Variants in CAMK1D observed in about 807,000 individuals in gnomAD.
The protein encoded by CAMK1D is calcium/calmodulin dependent protein kinase ID.
A neutral mutation model predicts 47.7 loss-of-function variants in CAMK1D; 9 were observed. The ratio of observed to expected loss-of-function variants is 0.19; its 90% CI spans 0.11 to 0.33. The LOEUF (loss-of-function observed/expected upper bound fraction) is 0.33, where lower values mean the gene tolerates loss of function less well. Among genes scored for constraint, CAMK1D ranks in the 10% least tolerant of loss-of-function variants. CAMK1D has a pLI of 1.00. For missense variants in CAMK1D, 291 were observed against 488.7 expected (o/e 0.60, Z 3.81); for synonymous variants, 184 against 184.9 (o/e 0.99, Z 0.04).
In CAMK1D at chr10:12,816,269, C is replaced by A. The variant is rs753859699; in HGVS notation, c.774C>A (p.Asn258Lys). 1 of 1,613,680 alleles carries A rather than the reference C, an allele frequency of 6.2e-7. No individual in the cohort carries two copies. Among genetic ancestry groups the A allele is most frequent in the Non-Finnish European group, 8.5e-7 (1 of 1,179,866 alleles). The change falls in exon 8 of 11, where the codon AAC becomes AAA. Residue 258 changes from asparagine (N) to lysine (K), a missense_variant. This residue lies in a region of CAMK1D where 219 missense variants were observed against 424.3 expected (regional missense o/e 0.52). Transcript: ENST00000619168. ...GAACAGCAAAAGACTTCATTCGGAA[C>A]CTGATGGAGAAGGACCCGAATAAAA... Reference protein sequence around the residue: ...ISDSAKDFIRNLMEKDPNKRY... With the variant: ...ISDSAKDFIRKLMEKDPNKRY...
chr10:12,737,075 G>A (rs188901537), intron 3 of CAMK1D, among the ~76,000 whole-genome samples: 2 of 152,152 alleles, frequency 1.3e-5, no homozygotes, highest in South Asian at 4.1e-4. Context: ...CGTAGCCTGA[G>A]TCCCAGGGGC....
chr10:12,744,902 A>C (rs1214732983), intron 3 of CAMK1D, among the ~76,000 whole-genome samples: 1 of 152,142 alleles, frequency 6.6e-6, no homozygotes, highest in Non-Finnish European at 1.5e-5. Context: ...CCCTGTCTCT[A>C]AAAATAACAA....
rs1372157585 is a variant in CAMK1D, at chr10:12,427,705, T to TTG, written c.92+77796_92+77797insGT. Among the ~76,000 whole-genome samples, 10 of 98,546 alleles carry TTG rather than the reference T, an allele frequency of 1.0e-4. 1 individual carries two copies. The highest frequency in any genetic ancestry group is 2.1e-4 in the Non-Finnish European group (10 of 47,070). The allele number at this position is 98,546 out of a possible 152,430, so 64.7% of individuals were successfully genotyped here. A position where few individuals can be genotyped will look rare whatever the true frequency, so the allele number is the denominator to read the frequency against. On this transcript the variant is annotated intron_variant, in intron 1 of 10. Coordinates refer to ENST00000619168, the MANE Select transcript of CAMK1D (RefSeq NM_153498.4). ...CTGGCTTCACTGAACTTACTGTTTT[T>TTG]TTTTTTTTTTTTTTTTTTTTGAGAC...
chr10:12,822,794 C>T (rs1833060993), intron 8 of CAMK1D, among the ~76,000 whole-genome samples: 1 of 151,934 alleles, frequency 6.6e-6, no homozygotes, highest in African/African-American at 2.4e-5. Flanking sequence ...GTCTCTCATT[C>T]TCTCATCCTC....
At chr10:12,773,425 C>T (rs1438937420) in intron 5 of CAMK1D, among the ~76,000 whole-genome samples, 1 of 152,132 alleles carries the variant, frequency 6.6e-6, no homozygotes, top group East Asian at 1.9e-4. Flanking sequence ...TGTGTACTGT[C>T]CTTGCTAGAT....
At chr10:12,675,328 A>C (rs567144522) in intron 3 of CAMK1D, among the ~76,000 whole-genome samples, 1 of 152,304 alleles carries the variant, frequency 6.6e-6, no homozygotes, top group East Asian at 1.9e-4. Flanking sequence ...CTGTCTTCTC[A>C]GCAGTTCCAT....
At position 12,534,846 on chromosome 10, in the gene CAMK1D, G is replaced by A. The variant is rs1349603290; in HGVS notation, c.93-18379G>A. On this transcript the variant is annotated intron_variant, in intron 1 of 10. Coordinates refer to ENST00000619168, the MANE Select transcript of CAMK1D (RefSeq NM_153498.4). ...AGTCCTCTGCATTTAGCAAGCAGGC[G>A]GTGAACTAGAATGGCGAGTCATGTG... 6.6e-5 allele frequency among the ~76,000 whole-genome samples: 10 copies of A among 152,142 alleles called. No individual in the cohort carries two copies. In the East Asian group the frequency reaches 1.6e-3, roughly 24 times the overall value.
chr10:12,492,013 G>C (rs567995414), intron 1 of CAMK1D, among the ~76,000 whole-genome samples: 1 of 152,286 alleles, frequency 6.6e-6, no homozygotes, highest in South Asian at 2.1e-4. Context: ...TCGAACTCCT[G>C]ACCTCAAGTG....
At chr10:12,527,609 C>T (rs1835668731) in intron 1 of CAMK1D, among the ~76,000 whole-genome samples, 1 of 152,148 alleles carries the variant, frequency 6.6e-6, no homozygotes, top group South Asian at 2.1e-4. Flanking sequence ...CTCCTGACCT[C>T]AAATGATCCG....
chr10:12,531,578 A>G (rs1386106048), intron 1 of CAMK1D, among the ~76,000 whole-genome samples: 1 of 152,274 alleles, frequency 6.6e-6, no homozygotes, highest in African/African-American at 2.4e-5. Flanking sequence ...ACTCCAGGGA[A>G]TCATCACAGT....
intron 1 of CAMK1D, among the ~76,000 whole-genome samples, chr10:12,405,543 C>T (rs541586020): frequency 6.6e-6 from 1 of 152,166 alleles, no homozygotes; most frequent in Non-Finnish European, 1.5e-5. Context: ...TAAAAATTAG[C>T]CACAGTCTAG....
At chr10:12,689,609 T>C (rs544138788) in intron 3 of CAMK1D, among the ~76,000 whole-genome samples, 1 of 152,202 alleles carries the variant, frequency 6.6e-6, no homozygotes, top group South Asian at 2.1e-4. Flanking sequence ...AAACCCCATC[T>C]CTACTAAAAA....
chr10:12,442,155 A>G (rs1034056267), intron 1 of CAMK1D, among the ~76,000 whole-genome samples: 1 of 152,198 alleles, frequency 6.6e-6, no homozygotes, highest in Non-Finnish European at 1.5e-5. Flanking sequence ...TCAAGGACCT[A>G]TGAAGGTAGT....
At chr10:12,374,326 G>T (rs939043412) in intron 1 of CAMK1D, among the ~76,000 whole-genome samples, 2 of 151,594 alleles carry the variant, frequency 1.3e-5, no homozygotes, top group Non-Finnish European at 2.9e-5. Context: ...ACCAACCAGG[G>T]CAAGGAAGCC....
At chr10:12,376,521 C>T (rs1311733813) in intron 1 of CAMK1D, among the ~76,000 whole-genome samples, 2 of 152,128 alleles carry the variant, frequency 1.3e-5, no homozygotes, top group Non-Finnish European at 2.9e-5. Context: ...CCAGGGGCAC[C>T]TTCATGTGTT....
intron 3 of CAMK1D, 55 bp downstream of exon 3, chr10:12,666,865 T>C: frequency 7.3e-7 from 1 of 1,374,160 alleles, no homozygotes; most frequent in Non-Finnish European, 1.0e-6. Flanking sequence ...CTCCAATGTC[T>C]AAAGGGATCA....
At chr10:12,577,575 A>G (rs1837528657) in intron 2 of CAMK1D, among the ~76,000 whole-genome samples, 1 of 152,340 alleles carries the variant, frequency 6.6e-6, no homozygotes, top group South Asian at 2.1e-4. Context: ...GAATGATCAA[A>G]TAGGAGATTT....
chr10:12,420,640 GTCTTGCTAAGAGCTGTTGGAT>G (rs1456156635), intron 1 of CAMK1D, among the ~76,000 whole-genome samples: 2 of 152,058 alleles, frequency 1.3e-5, no homozygotes, highest in African/African-American at 4.8e-5. Flanking sequence ...AACAGCCTCT[GTCTTGCTAAGAGCTGTTGGAT>G]AATCCAGGAA....
Position 12,721,541 on chromosome 10 carries a change from CATCT to C in CAMK1D, c.300-39403_300-39400del, listed in dbSNP as rs1305352501. On this transcript the variant is annotated intron_variant, in intron 3 of 10. Transcript: ENST00000619168. ...CCATCCATCCATCCATCCATCCATC[CATCT>C]ATCCATCCATCCAAAAAATATTTAC... 5.8e-3 allele frequency among the ~76,000 whole-genome samples: 709 copies of C among 123,030 alleles called. 5 individuals carry two copies. The highest frequency in any genetic ancestry group is 5.8e-3 in the Admixed American group (67 of 11,584). 80.7% of individuals were successfully genotyped at this position (123,030 alleles called of 152,430 possible).
Sources: gnomAD v4.1 joint callset for allele counts (sites outside exome capture counted in the v4.1 genomes callset) on GRCh38, gnomAD v4.1.1 for gene constraint, gnomAD v4.1.1 regional missense constraint, MANE v1.5 for transcripts, NCBI Gene and HGNC (gene_info 2026-07-23, HGNC 2026-07-21) for gene names.